The following RNF169 variants were observed in gnomAD, a reference collection of about 807,000 sequenced individuals.
RNF169 encodes E3 ubiquitin-protein ligase RNF169.
A neutral mutation model predicts 53.9 loss-of-function variants in RNF169; 24 were observed. The observed-to-expected ratio is 0.45, with a 90% confidence interval of 0.32 to 0.63. The LOEUF is 0.63. Ranked by LOEUF, RNF169 falls within the 20% of genes least tolerant of loss-of-function variation. The probability of loss-of-function intolerance (pLI) is 0.04; values close to 1 mark genes in which losing one functional copy is unlikely to be tolerated. For synonymous variants in RNF169, 396 were observed against 363.5 expected, an observed-to-expected ratio of 1.09 and a Z score of -1.02; for missense variants, 883 against 906.2, an observed-to-expected ratio of 0.97 and a Z score of 0.33.
chr11:74,769,505 G>A (rs1485265911), intron 1 of RNF169, among the ~76,000 whole-genome samples: 1 of 152,128 alleles, frequency 6.6e-6, no homozygotes, highest in Admixed American at 6.5e-5. Context: ...TGAAACTCTT[G>A]TGTACATATG....
chr11:74,781,678 A>G (rs2035418636), intron 1 of RNF169, among the ~76,000 whole-genome samples: 4 of 152,330 alleles, frequency 2.6e-5, no homozygotes, highest in South Asian at 4.1e-4. Flanking sequence ...ATTTTTCTAT[A>G]CTATGAACTG....
intron 4 of RNF169, 96 bp from the exon 5 acceptor site, chr11:74,834,580 T>G: frequency 1.4e-6 from 1 of 692,882 alleles, no homozygotes; most frequent in South Asian, 2.4e-5. Flanking sequence ...TCTTTCCTGG[T>G]GAGTGGCTTA....
At chr11:74,804,211 G>A (rs1303927512) in intron 2 of RNF169, among the ~76,000 whole-genome samples, 10 of 152,134 alleles carry the variant, frequency 6.6e-5, no homozygotes, top group Admixed American at 5.2e-4. Context: ...GTGTGAGTGT[G>A]CCCTGTGATG....
At position 74,840,245 on chromosome 11, in the gene RNF169, C is replaced by T. The variant is rs554821632; in HGVS notation, c.*3515C>T. ...TAAAGCAGTTCCTGCTCTTGAGGAG[C>T]TCAATGTCTAATGGAATGCATTTGA... On this transcript the variant is annotated 3_prime_UTR_variant, in exon 6 of 6. Coordinates refer to ENST00000299563, the MANE Select transcript of RNF169 (RefSeq NM_001098638.2). 1 of 152,272 alleles carries T rather than the reference C, an allele frequency of 6.6e-6. No individual in the cohort carries two copies. Among genetic ancestry groups the T allele is most frequent in the South Asian group, 2.1e-4 (1 of 4,830 alleles). 9.4% of individuals were successfully genotyped at this position (152,272 alleles called of 1,614,324 possible).
At chr11:74,823,687 T>C (rs1026431149) in intron 4 of RNF169, among the ~76,000 whole-genome samples, 2 of 144,928 alleles carry the variant, frequency 1.4e-5, no homozygotes, top group African/African-American at 2.6e-5. Flanking sequence ...CAGTTAGCCA[T>C]GATCACTTCA....
intron 2 of RNF169, among the ~76,000 whole-genome samples, chr11:74,797,011 C>T (rs1382653314): frequency 6.6e-6 from 1 of 152,118 alleles, no homozygotes; most frequent in Non-Finnish European, 1.5e-5. Flanking sequence ...TACCACCTTC[C>T]CTGGCCTTCT....
At chr11:74,766,109 T>C (rs1481000988) in intron 1 of RNF169, among the ~76,000 whole-genome samples, 3 of 152,080 alleles carry the variant, frequency 2.0e-5, no homozygotes, top group African/African-American at 4.8e-5. Flanking sequence ...AAATATAGAA[T>C]ATGGAAAACT....
chr11:74,812,116 A>C (rs528028453), intron 3 of RNF169, among the ~76,000 whole-genome samples: 2 of 152,316 alleles, frequency 1.3e-5, no homozygotes, highest in African/African-American at 4.8e-5. Flanking sequence ...TTGAAATAGA[A>C]ATCAAGTGCA....
chr11:74,826,479 T>C (rs564879573), intron 4 of RNF169, among the ~76,000 whole-genome samples: 1 of 151,660 alleles, frequency 6.6e-6, no homozygotes, highest in East Asian at 2.0e-4. Flanking sequence ...AGATGAAATT[T>C]GGGTGGGAAC....
intron 4 of RNF169, among the ~76,000 whole-genome samples, chr11:74,825,295 GA>G (rs2036078499): frequency 6.6e-6 from 1 of 151,976 alleles, no homozygotes. Flanking sequence ...TTGATAGGAA[GA>G]AAACTGGAAA....
At chr11:74,749,559 T>G (rs2034854198) in intron 1 of RNF169, among the ~76,000 whole-genome samples, 177 bp downstream of exon 1, 1 of 152,082 alleles carries the variant, frequency 6.6e-6, no homozygotes, top group African/African-American at 2.4e-5. Flanking sequence ...AACTTCAGAG[T>G]GAAGGACAGG....
In RNF169 at chr11:74,749,396, A is replaced by T. The variant is rs1333168175; in HGVS notation, c.502+14A>T. The T allele has an allele frequency of 1.6e-6, 2 of 1,223,234 alleles. No individual in the cohort carries two copies. 75.8% of individuals were successfully genotyped at this position (1,223,234 alleles called of 1,614,324 possible). On this transcript the variant is annotated intron_variant, in intron 1 of 5. Transcript: ENST00000299563. ...CTGCGGAGCCAGGTGGAGCTTCCCC[A>T]CTTCCCCTTAGGGTCTGGAGCGAGG...
At chr11:74,823,738 G>GAAAAAAAAAAAAAAAAAAAAAAAA (rs35164191) in intron 4 of RNF169, among the ~76,000 whole-genome samples, 1 of 105,774 alleles carries the variant, frequency 9.5e-6, no homozygotes, top group Non-Finnish European at 2.0e-5. Context: ...CCCTGTCTCA[G>GAAAAAAAAAAAAAAAAAAAAAAAA]AAAAAAAAAA....
chr11:74,794,301 C>A (rs1447845222), intron 2 of RNF169, among the ~76,000 whole-genome samples: 3 of 152,098 alleles, frequency 2.0e-5, no homozygotes, highest in Middle Eastern at 3.2e-3. Flanking sequence ...TGGAGAGATG[C>A]AGTAGATGCA....
chr11:74,782,512 A>G (rs1218073087), intron 1 of RNF169, among the ~76,000 whole-genome samples: 1 of 152,132 alleles, frequency 6.6e-6, no homozygotes, highest in Admixed American at 6.5e-5. Flanking sequence ...GAACAGTTTC[A>G]TCTCAACCAT....
At chr11:74,762,052 T>G (rs1475443107) in intron 1 of RNF169, among the ~76,000 whole-genome samples, 1 of 142,978 alleles carries the variant, frequency 7.0e-6, no homozygotes, top group East Asian at 2.0e-4. Flanking sequence ...ATTTCATTCA[T>G]TTCATCTTCC....
intron 1 of RNF169, among the ~76,000 whole-genome samples, chr11:74,774,770 CATG>C (rs2035308791): frequency 1.3e-5 from 2 of 152,168 alleles, no homozygotes; most frequent in East Asian, 3.9e-4. Context: ...TCCTGGCTAA[CATG>C]ATGAAACCCC....
rs2036362748 is a variant in RNF169, at chr11:74,840,552, G to C, written c.*3822G>C. 6.6e-6 allele frequency: 1 copy of C among 152,186 alleles called. No homozygotes were observed. Among genetic ancestry groups the C allele is most frequent in the South Asian group, 2.1e-4 (1 of 4,832 alleles). The allele number at this position is 152,186 out of a possible 1,614,324, so 9.4% of individuals were successfully genotyped here. A position where few individuals can be genotyped will look rare whatever the true frequency, so the allele number is the denominator to read the frequency against. ...GGGTTGTGGATCACTGACATGGTCAGGGGAGGCCCACACCTCAATTCAGTA... is the reference window on the plus strand; with the variant it reads ...GGGTTGTGGATCACTGACATGGTCACGGGAGGCCCACACCTCAATTCAGTA... On this transcript the variant is annotated 3_prime_UTR_variant, in exon 6 of 6. Transcript: ENST00000299563.
intron 1 of RNF169, among the ~76,000 whole-genome samples, chr11:74,782,376 A>G (rs1456580243): frequency 6.6e-6 from 1 of 152,200 alleles, no homozygotes; most frequent in Non-Finnish European, 1.5e-5. Flanking sequence ...GAACACGGCC[A>G]CACAGCAAAT....
Sources: gnomAD v4.1 joint callset for allele counts (sites outside exome capture counted in the v4.1 genomes callset) on GRCh38, gnomAD v4.1.1 for gene constraint, MANE v1.5 for transcripts, NCBI Gene and HGNC (gene_info 2026-07-23, HGNC 2026-07-21) for gene names.